Variants in BNC2 observed in about 807,000 individuals in gnomAD.
BNC2 encodes basonuclin zinc finger protein 2.
BNC2 carries 20 observed loss-of-function variants against 76.3 expected under a neutral mutation model. That is an observed-to-expected ratio of 0.26 (90% CI 0.18 to 0.38). BNC2 has a LOEUF of 0.38. Ranked by LOEUF, BNC2 falls within the 10% of genes least tolerant of loss-of-function variation. The pLI is 1.00. For missense variants in BNC2, 1,382 were observed against 1,399.8 expected, an observed-to-expected ratio of 0.99 and a Z score of 0.20; for synonymous variants, 582 against 514.8, an observed-to-expected ratio of 1.13 and a Z score of -1.77.
At position 16,436,659 on chromosome 9, in the gene BNC2, C is replaced by T. The variant is rs767237156; in HGVS notation, c.1535G>A (p.Arg512Gln). 22 of 1,613,760 alleles carry T rather than the reference C, an allele frequency of 1.4e-5. No individual in the cohort carries two copies. The highest frequency in any genetic ancestry group is 6.7e-5 in the East Asian group (3 of 44,874). ...AGGGGTGGCAGCTCCTGAGGTGGCC[C>T]GAATTAAATCTTTATCTCGGTTATT... ...LRNNRDKDLI[R>Q]ATSGAATPVI... Residue 512 changes from arginine (R) to glutamine (Q), a missense_variant, in exon 6 of 7, where the codon CGG (arginine) becomes CAG (glutamine). Around this residue, in one of 3 missense-constraint regions of BNC2, gnomAD observed 798 missense variants for 775.5 expected, o/e 1.03. Coordinates refer to ENST00000380672, the MANE Select transcript of BNC2 (RefSeq NM_017637.6).
intron 3 of BNC2, among the ~76,000 whole-genome samples, chr9:16,658,391 A>G (rs930077732): frequency 1.3e-5 from 2 of 152,206 alleles, no homozygotes; most frequent in Admixed American, 6.5e-5. Context: ...ATGTTCCTAA[A>G]TGTCACTGTG....
In BNC2 at chr9:16,794,725, T is replaced by C. The variant is rs142860596; in HGVS notation, c.4-56240A>G. Among the ~76,000 whole-genome samples the C allele has an allele frequency of 5.3e-5, 8 of 152,326 alleles. No homozygotes were observed. In the South Asian group the frequency reaches 6.2e-4, roughly 12 times the overall value. ...AAACACAATTCCTCAGCTAACACCA[T>C]GAAGCAAAATTAACCATATTAGTTC... On this transcript the variant is annotated intron_variant, in intron 1 of 6. Transcript: ENST00000380672.
chr9:16,537,923 T>C (rs1405880708), intron 5 of BNC2, among the ~76,000 whole-genome samples: 1 of 152,208 alleles, frequency 6.6e-6, no homozygotes, highest in African/African-American at 2.4e-5. Flanking sequence ...TCTAAGGGTG[T>C]GCCCCTTTCA....
rs568157515 is a variant in BNC2, at chr9:16,762,306, C to T, written c.4-23821G>A. On this transcript the variant is annotated intron_variant, in intron 1 of 6. Coordinates refer to ENST00000380672, the MANE Select transcript of BNC2 (RefSeq NM_017637.6). ...GCTGATGTAGGAAATACAATCATCT[C>T]GTACAAAATGCCTTTGAACACTATC... Among the ~76,000 whole-genome samples the T allele has an allele frequency of 6.6e-5, 10 of 152,156 alleles. No homozygotes were observed. The South Asian group carries it at 1.2e-3, about 19-fold the overall frequency.
At chr9:16,509,498 A>T (rs1822705447) in intron 5 of BNC2, among the ~76,000 whole-genome samples, 1 of 152,232 alleles carries the variant, frequency 6.6e-6, no homozygotes, top group Non-Finnish European at 1.5e-5. Flanking sequence ...ATACCACGTC[A>T]CAAGGTTTTC....
chr9:16,771,261 C>T (rs188760117), intron 1 of BNC2, among the ~76,000 whole-genome samples: 6 of 152,188 alleles, frequency 3.9e-5, no homozygotes, highest in East Asian at 1.9e-4. Context: ...GTCTAACAGA[C>T]GTGAAAAAAG....
intron 1 of BNC2, among the ~76,000 whole-genome samples, chr9:16,798,625 A>G (rs1199592594): frequency 6.6e-6 from 1 of 152,178 alleles, no homozygotes; most frequent in Admixed American, 6.5e-5. Flanking sequence ...TTAACATTCA[A>G]AACTACATTA....
At chr9:16,656,189 C>A (rs1821924614) in intron 3 of BNC2, among the ~76,000 whole-genome samples, 1 of 152,228 alleles carries the variant, frequency 6.6e-6, no homozygotes, top group East Asian at 1.9e-4. Flanking sequence ...GGCTGAGTAA[C>A]CCTGTGTGTA....
At chr9:16,678,813 C>T (rs956598913) in intron 3 of BNC2, among the ~76,000 whole-genome samples, 2 of 152,132 alleles carry the variant, frequency 1.3e-5, no homozygotes, top group Non-Finnish European at 2.9e-5. Flanking sequence ...CCTGACATTC[C>T]AAACCCAACA....
At chr9:16,478,937 G>A (rs1821985533) in intron 5 of BNC2, among the ~76,000 whole-genome samples, 2 of 152,124 alleles carry the variant, frequency 1.3e-5, no homozygotes, top group South Asian at 4.1e-4. Context: ...CAAAAACCAA[G>A]AGGACTCCAA....
At chr9:16,585,003 A>C (rs1232249530) in intron 3 of BNC2, among the ~76,000 whole-genome samples, 1 of 152,118 alleles carries the variant, frequency 6.6e-6, no homozygotes, top group East Asian at 1.9e-4. Flanking sequence ...AAATCAAGGG[A>C]GGGCCAATAA....
chr9:16,814,773 A>AG lies in BNC2; in HGVS notation c.3+55872dup, dbSNP rs199735007. Among the ~76,000 whole-genome samples, 64 of 152,302 alleles carry AG rather than the reference A, an allele frequency of 4.2e-4. No homozygotes were observed. The East Asian group carries it at 0.01, about 24-fold the overall frequency. ...CAAATGCCACACCCACCAAATATCT[A>AG]GGGGGGCTCCTATACATTATGGTGA... On this transcript the variant is annotated intron_variant, in intron 1 of 6. Coordinates refer to ENST00000380672, the MANE Select transcript of BNC2 (RefSeq NM_017637.6).
intron 5 of BNC2, among the ~76,000 whole-genome samples, chr9:16,535,475 C>T (rs2132284935): frequency 6.6e-6 from 1 of 152,224 alleles, no homozygotes; most frequent in South Asian, 2.1e-4. Context: ...CCTATGAGCA[C>T]CTTTTTTTCT....
chr9:16,570,862 T>C (rs1259807462), intron 4 of BNC2, among the ~76,000 whole-genome samples: 1 of 152,126 alleles, frequency 6.6e-6, no homozygotes, highest in African/African-American at 2.4e-5. Context: ...GCGCAAACTT[T>C]CAGAAAAGAA....
At chr9:16,757,032 T>A (rs1386942149) in intron 1 of BNC2, among the ~76,000 whole-genome samples, 1 of 150,802 alleles carries the variant, frequency 6.6e-6, no homozygotes, top group Non-Finnish European at 1.5e-5. Flanking sequence ...GGTAACTACC[T>A]ATTCCTAAAG....
chr9:16,460,594 G>A (rs577793034), intron 5 of BNC2, among the ~76,000 whole-genome samples: 243 of 152,258 alleles, frequency 1.6e-3, no homozygotes, highest in Middle Eastern at 3.4e-3. Flanking sequence ...CTGCACTCTA[G>A]CCTGTGTGAC....
chr9:16,613,020 A>T (rs925490046), intron 3 of BNC2, among the ~76,000 whole-genome samples: 7 of 152,224 alleles, frequency 4.6e-5, no homozygotes, highest in African/African-American at 1.7e-4. Flanking sequence ...AATGGTACGG[A>T]GGTAAAGCAG....
chr9:16,419,825 G>C (rs1469826113), intron 6 of BNC2, among the ~76,000 whole-genome samples, 176 bp from the exon 7 acceptor site: 1 of 152,180 alleles, frequency 6.6e-6, no homozygotes, highest in Non-Finnish European at 1.5e-5. Context: ...CTGGGAGTTA[G>C]TGGTGGTGGT....
chr9:16,780,235 CAAAAAAAAAAAAAAA>C (rs372583425), intron 1 of BNC2, among the ~76,000 whole-genome samples: 1 of 66,310 alleles, frequency 1.5e-5, no homozygotes, highest in Non-Finnish European at 2.7e-5. Flanking sequence ...GACTTCGTTT[CAAAAAAAAAAAAAAA>C]AAAAAACAAA....
Sources: gnomAD v4.1 joint callset for allele counts (sites outside exome capture counted in the v4.1 genomes callset) on GRCh38, gnomAD v4.1.1 for gene constraint, gnomAD v4.1.1 regional missense constraint, MANE v1.5 for transcripts, NCBI Gene and HGNC (gene_info 2026-07-23, HGNC 2026-07-21) for gene names.